ADAM22: variants seen among roughly 807,000 people sequenced by gnomAD.
The protein encoded by ADAM22 is disintegrin and metalloproteinase domain-containing protein 22.
In ADAM22, 65 loss-of-function variants were observed where a neutral mutation model predicts 144.6. The ratio of observed to expected loss-of-function variants is 0.45; its 90% CI spans 0.37 to 0.55. ADAM22 has a LOEUF of 0.55. Among genes scored for constraint, ADAM22 ranks in the 20% least tolerant of loss-of-function variants. ADAM22 has a pLI of 0.00. For synonymous variants in ADAM22, 391 were observed against 412.6 expected, an observed-to-expected ratio of 0.95 and a Z score of 0.63; for missense variants, 974 against 1,184.9, an observed-to-expected ratio of 0.82 and a Z score of 2.61.
chr7:88,196,547 A>G lies in ADAM22; in HGVS notation c.*56A>G, dbSNP rs1413456402. The G allele has an allele frequency of 1.9e-6, 3 of 1,578,978 alleles. No homozygotes were observed. The highest frequency in any genetic ancestry group is 1.7e-5 in the Admixed American group (1 of 59,938). Reference sequence around the variant, plus strand: ...ACTGTTTACTTCAACTTTTATAGAAACCCAGGCTCATGGAATCACTGCAAA... The same window carrying G: ...ACTGTTTACTTCAACTTTTATAGAAGCCCAGGCTCATGGAATCACTGCAAA... On this transcript the variant is annotated 3_prime_UTR_variant, in exon 32 of 32. Transcript: ENST00000413139.
At chr7:88,157,588 G>A (rs984258828) in intron 22 of ADAM22, among the ~76,000 whole-genome samples, 2 of 151,804 alleles carry the variant, frequency 1.3e-5, no homozygotes, top group African/African-American at 4.8e-5. Flanking sequence ...GAAAGACAGG[G>A]AATATAGGAA....
chr7:88,148,335 C>T (rs1238679049), intron 17 of ADAM22, among the ~76,000 whole-genome samples: 1 of 152,088 alleles, frequency 6.6e-6, no homozygotes, highest in Non-Finnish European at 1.5e-5. Context: ...AGTACTCCTG[C>T]AATTCACATT....
chr7:88,008,989 T>G (rs1300569050), intron 3 of ADAM22, among the ~76,000 whole-genome samples: 1 of 152,116 alleles, frequency 6.6e-6, no homozygotes, highest in Non-Finnish European at 1.5e-5. Flanking sequence ...CCAGTTAGCA[T>G]GGTTGTTTCA....
intron 3 of ADAM22, among the ~76,000 whole-genome samples, chr7:88,032,113 G>A (rs1030164210): frequency 6.6e-6 from 1 of 152,208 alleles, no homozygotes. Context: ...CCACACATTG[G>A]GGCACTCCTG....
intron 3 of ADAM22, among the ~76,000 whole-genome samples, chr7:88,029,391 T>A (rs1227872436): frequency 6.6e-6 from 1 of 152,194 alleles, no homozygotes; most frequent in Non-Finnish European, 1.5e-5. Context: ...CCACCCTTTT[T>A]AACTTTTGTT....
At chr7:87,949,279 A>G (rs1014360341) in intron 2 of ADAM22, among the ~76,000 whole-genome samples, 2 of 152,180 alleles carry the variant, frequency 1.3e-5, no homozygotes, top group Admixed American at 6.5e-5. Flanking sequence ...GGCAAAGCCT[A>G]TTAGGAAAGG....
At position 88,198,761 on chromosome 7, in the gene ADAM22, C is replaced by T. The variant is rs1357339484; in HGVS notation, c.*2270C>T. 6.6e-6 allele frequency: 1 copy of T among 152,158 alleles called. No homozygotes were observed. The highest frequency in any genetic ancestry group is 1.5e-5 in the Non-Finnish European group (1 of 68,040). The allele number at this position is 152,158 out of a possible 1,614,324, so 9.4% of individuals were successfully genotyped here. A position where few individuals can be genotyped will look rare whatever the true frequency, so the allele number is the denominator to read the frequency against. On this transcript the variant is annotated 3_prime_UTR_variant, in exon 32 of 32. Coordinates refer to ENST00000413139, the MANE Select transcript of ADAM22 (RefSeq NM_001324418.2). ...TCGTCTGTGTGTCTTTCTTCCCTCA[C>T]CTATTTTTACATGAAATTATTATTT...
At chr7:88,106,548 C>T (rs1204009579) in intron 4 of ADAM22, among the ~76,000 whole-genome samples, 1 of 152,148 alleles carries the variant, frequency 6.6e-6, no homozygotes, top group Non-Finnish European at 1.5e-5. Context: ...AAGTAGGTAA[C>T]ATTTGCGCCT....
chr7:88,194,442 G>A (rs1850257166), intron 31 of ADAM22, among the ~76,000 whole-genome samples: 1 of 152,178 alleles, frequency 6.6e-6, no homozygotes, highest in African/African-American at 2.4e-5. Context: ...GCATGTGGCA[G>A]AATCCTACCA....
At chr7:88,043,245 G>A (rs1803608185) in intron 3 of ADAM22, among the ~76,000 whole-genome samples, 1 of 151,786 alleles carries the variant, frequency 6.6e-6, no homozygotes, top group Admixed American at 6.6e-5. Context: ...CTATACTTTG[G>A]GAGGCCGAGA....
At chr7:88,068,347 TCTC>T (rs1811834870) in intron 3 of ADAM22, among the ~76,000 whole-genome samples, 1 of 152,210 alleles carries the variant, frequency 6.6e-6, no homozygotes, top group African/African-American at 2.4e-5. Flanking sequence ...TTTTTCCAGT[TCTC>T]TTCTTCTGGA....
intron 3 of ADAM22, among the ~76,000 whole-genome samples, chr7:88,043,731 T>C (rs1427636311): frequency 2.6e-5 from 4 of 152,000 alleles, no homozygotes; most frequent in Non-Finnish European, 5.9e-5. Flanking sequence ...AGAAAATGTA[T>C]ACTTAAAAAT....
At chr7:88,171,443 A>G in intron 25 of ADAM22, 101 bp from the exon 26 acceptor site, 1 of 1,092,384 alleles carries the variant, frequency 9.2e-7, no homozygotes, top group Non-Finnish European at 1.3e-6. Flanking sequence ...AGACTTTTCA[A>G]TGAAAGCTAG....
At chr7:88,055,888 A>G (rs1197296615) in intron 3 of ADAM22, among the ~76,000 whole-genome samples, 1 of 152,138 alleles carries the variant, frequency 6.6e-6, no homozygotes, top group Admixed American at 6.6e-5. Flanking sequence ...TGTGGTAACC[A>G]AGTTTTCTTA....
chr7:87,934,458 G>A lies in ADAM22; in HGVS notation c.-8G>A. ...GCGTCTCGGGCGAGGCGGGCTGACG[G>A]CAGCACCATGCAGGCGGCAGTGGCT... On this transcript the variant is annotated 5_prime_UTR_variant, in exon 1 of 32. Coordinates refer to ENST00000413139, the MANE Select transcript of ADAM22 (RefSeq NM_001324418.2). The A allele has an allele frequency of 6.3e-7, 1 of 1,589,208 alleles. No individual in the cohort carries two copies. The highest frequency in any genetic ancestry group is 8.5e-7 in the Non-Finnish European group (1 of 1,172,192).
chr7:87,985,977 A>G (rs2129450521), intron 3 of ADAM22, among the ~76,000 whole-genome samples: 1 of 152,226 alleles, frequency 6.6e-6, no homozygotes, highest in African/African-American at 2.4e-5. Context: ...GTCAAGTATA[A>G]ATAGTTACTA....
At chr7:88,134,745 C>T (rs921689143) in intron 13 of ADAM22, among the ~76,000 whole-genome samples, 1 of 152,040 alleles carries the variant, frequency 6.6e-6, no homozygotes. Context: ...AGGTTTCAGA[C>T]GTACTGGTTT....
At chr7:88,084,323 G>T (rs1389822009) in intron 4 of ADAM22, among the ~76,000 whole-genome samples, 3 of 152,128 alleles carry the variant, frequency 2.0e-5, no homozygotes, top group Non-Finnish European at 4.4e-5. Flanking sequence ...TTTGTTGATG[G>T]TTTTTCTAAC....
intron 2 of ADAM22, among the ~76,000 whole-genome samples, chr7:87,948,358 C>T (rs1844222908): frequency 1.3e-5 from 2 of 152,080 alleles, no homozygotes; most frequent in African/African-American, 4.8e-5. Context: ...ACTTGTAAAC[C>T]TATATTTTGT....
Sources: allele counts gnomAD v4.1 joint callset (sites outside exome capture counted in the v4.1 genomes callset), GRCh38; gene constraint gnomAD v4.1.1; transcripts MANE v1.5; gene names NCBI Gene and HGNC (gene_info 2026-07-23, HGNC 2026-07-21).